LRRC4C: variants seen among roughly 807,000 people sequenced by gnomAD.
The protein encoded by LRRC4C is leucine-rich repeat-containing protein 4C.
A neutral mutation model predicts 33.6 loss-of-function variants in LRRC4C; 5 were observed. The ratio of observed to expected loss-of-function variants is 0.15; its 90% CI spans 0.08 to 0.31. The LOEUF (loss-of-function observed/expected upper bound fraction) is 0.31. LRRC4C is among the 10% of genes least tolerant of loss of function. LRRC4C has a pLI of 1.00. For synonymous variants in LRRC4C, 329 were observed against 302.0 expected, an observed-to-expected ratio of 1.09 and a Z score of -0.93; for missense variants, 560 against 796.7, an observed-to-expected ratio of 0.70 and a Z score of 3.58.
intron 3 of LRRC4C, among the ~76,000 whole-genome samples, chr11:40,341,372 C>A (rs967691480): frequency 5.9e-5 from 9 of 152,026 alleles, no homozygotes. Flanking sequence ...TGAATAGTGC[C>A]ACAATAAACA....
At chr11:40,136,762 T>A (rs1857009086) in intron 6 of LRRC4C, among the ~76,000 whole-genome samples, 1 of 152,218 alleles carries the variant, frequency 6.6e-6, no homozygotes, top group African/African-American at 2.4e-5. Context: ...GGAGGAATCC[T>A]GGGGAAAAGT....
intron 4 of LRRC4C, among the ~76,000 whole-genome samples, chr11:40,287,652 T>G (rs1366444588): frequency 6.6e-6 from 1 of 152,226 alleles, no homozygotes. Context: ...CAACTGATTC[T>G]TGACCTTCTT....
At position 40,449,042 on chromosome 11, in the gene LRRC4C, G is replaced by T. The variant is rs533847194; in HGVS notation, c.-269-129321C>A. Reference sequence around the variant, plus strand: ...TCATATGTTTGTTGGCTGCATAAATGTCTTCTTTTGAGAAGTGTCTGTTCA... The same window carrying T: ...TCATATGTTTGTTGGCTGCATAAATTTCTTCTTTTGAGAAGTGTCTGTTCA... On this transcript the variant is annotated intron_variant, in intron 3 of 6. Coordinates refer to ENST00000528697, the MANE Select transcript of LRRC4C (RefSeq NM_001258419.2). Among the ~76,000 whole-genome samples, 49 of 152,256 alleles carry T rather than the reference G, an allele frequency of 3.2e-4. 2 individuals are homozygous for T. In the East Asian group the frequency reaches 8.9e-3, roughly 28 times the overall value.
rs147175603 is a variant in LRRC4C at position 41,140,380 on chromosome 11, C to A, written c.-495-206657G>T. Among the ~76,000 whole-genome samples the A allele has an allele frequency of 4.9e-4, 59 of 119,830 alleles. No individual in the cohort carries two copies. The East Asian group carries it at 0.011, about 23-fold the overall frequency. 78.6% of individuals were successfully genotyped at this position (119,830 alleles called of 152,430 possible). A position where few individuals can be genotyped will look rare whatever the true frequency, so the allele number is the denominator to read the frequency against. On this transcript the variant is annotated intron_variant, in intron 1 of 6. Coordinates refer to ENST00000528697, the MANE Select transcript of LRRC4C (RefSeq NM_001258419.2). ...GTCAGGCACGGACCCTTGGGATTCC[C>A]ATGTTTTGCTTCACAAATGATTAGC...
intron 3 of LRRC4C, among the ~76,000 whole-genome samples, chr11:40,382,144 T>A: frequency 1.5e-5 from 2 of 135,232 alleles, no homozygotes; most frequent in South Asian, 2.4e-4. Flanking sequence ...TTTTTTTTTT[T>A]TTTTTTTTTT....
chr11:41,070,953 G>C lies in LRRC4C; in HGVS notation c.-495-137230C>G, dbSNP rs570908229. ...TTATATTATAAAGATACATGCACAC[G>C]TATGCTTATTACAGCACTATTTACA... is the stretch of plus-strand genomic sequence containing the variant. On this transcript the variant is annotated intron_variant, in intron 1 of 6. Coordinates refer to ENST00000528697, the MANE Select transcript of LRRC4C (RefSeq NM_001258419.2). 2.6e-5 allele frequency among the ~76,000 whole-genome samples: 4 copies of C among 152,132 alleles called. No homozygotes were observed. The East Asian group carries it at 7.7e-4, about 29-fold the overall frequency.
At chr11:40,832,922 T>G (rs1357383713) in intron 2 of LRRC4C, among the ~76,000 whole-genome samples, 1 of 152,134 alleles carries the variant, frequency 6.6e-6, no homozygotes, top group Non-Finnish European at 1.5e-5. Context: ...GTGTTTTGGT[T>G]GTAGATAGAA....
intron 1 of LRRC4C, among the ~76,000 whole-genome samples, chr11:41,259,798 AG>A (rs1204073024): frequency 6.6e-6 from 1 of 152,090 alleles, no homozygotes; most frequent in African/African-American, 2.4e-5. Flanking sequence ...TGCAAAGTGT[AG>A]TAAGATAATT....
At chr11:40,451,633 C>T (rs1051339793) in intron 3 of LRRC4C, among the ~76,000 whole-genome samples, 1 of 151,856 alleles carries the variant, frequency 6.6e-6, no homozygotes, top group African/African-American at 2.4e-5. Context: ...GGTCCACCCG[C>T]CTTGGCCTCC....
At chr11:40,584,792 C>T (rs1958637139) in intron 3 of LRRC4C, among the ~76,000 whole-genome samples, 1 of 151,852 alleles carries the variant, frequency 6.6e-6, no homozygotes, top group Non-Finnish European at 1.5e-5. Flanking sequence ...ATTAGCCAGG[C>T]ATGGTGGTGC....
intron 1 of LRRC4C, among the ~76,000 whole-genome samples, chr11:41,249,160 G>A (rs1019202996): frequency 1.3e-5 from 2 of 151,116 alleles, no homozygotes; most frequent in Admixed American, 6.6e-5. Context: ...TCAGCCTCCC[G>A]AGTACCTGGG....
At chr11:41,216,736 G>C (rs1169105181) in intron 1 of LRRC4C, among the ~76,000 whole-genome samples, 1 of 152,130 alleles carries the variant, frequency 6.6e-6, no homozygotes, top group Non-Finnish European at 1.5e-5. Context: ...CATCAATATA[G>C]TGTGAAAAAT....
chr11:40,998,168 G>T lies in LRRC4C; in HGVS notation c.-495-64445C>A, dbSNP rs1356830599. Among the ~76,000 whole-genome samples, 3 of 151,800 alleles carry T rather than the reference G, an allele frequency of 2.0e-5. No individual in the cohort carries two copies. In the South Asian group the frequency reaches 6.2e-4, roughly 31 times the overall value. On this transcript the variant is annotated intron_variant, in intron 1 of 6. Coordinates refer to ENST00000528697, the MANE Select transcript of LRRC4C (RefSeq NM_001258419.2). ...CTGTAAGAAACTAATTCTGAACCTA[G>T]TATTTGATACAAGGGAATTATAAAC...
chr11:41,346,988 T>C (rs1951823950), intron 1 of LRRC4C, among the ~76,000 whole-genome samples: 1 of 152,250 alleles, frequency 6.6e-6, no homozygotes, highest in Non-Finnish European at 1.5e-5. Context: ...GATGATTCTA[T>C]TCTTGCCTTG....
chr11:41,216,238 T>A (rs1044590374), intron 1 of LRRC4C, among the ~76,000 whole-genome samples: 2 of 152,102 alleles, frequency 1.3e-5, no homozygotes, highest in Non-Finnish European at 2.9e-5. Context: ...CAGAGAAAGA[T>A]CTGAAACATT....
intron 1 of LRRC4C, among the ~76,000 whole-genome samples, chr11:41,451,319 A>G (rs1388179725): frequency 6.6e-6 from 1 of 152,112 alleles, no homozygotes; most frequent in Non-Finnish European, 1.5e-5. Context: ...GTTATTTTAA[A>G]AACTAAACAC....
In LRRC4C at chr11:40,453,813, A is replaced by G. The variant is rs574732634; in HGVS notation, c.-269-134092T>C. ...TTTAGGGCTTATGGTGGGGTGAGAA[A>G]TCACTGTACATTGGTACCACAATTC... On this transcript the variant is annotated intron_variant, in intron 3 of 6. Coordinates refer to ENST00000528697, the MANE Select transcript of LRRC4C (RefSeq NM_001258419.2). 2.6e-5 allele frequency among the ~76,000 whole-genome samples: 4 copies of G among 152,298 alleles called. No individual in the cohort carries two copies. In the South Asian group the frequency reaches 8.3e-4, roughly 32 times the overall value.
At chr11:40,459,633 C>A (rs1397735691) in intron 3 of LRRC4C, among the ~76,000 whole-genome samples, 1 of 152,182 alleles carries the variant, frequency 6.6e-6, no homozygotes, top group Non-Finnish European at 1.5e-5. Context: ...CTGCCTCTCT[C>A]CATTCTTAGA....
At chr11:41,148,673 C>A (rs1442662475) in intron 1 of LRRC4C, among the ~76,000 whole-genome samples, 1 of 152,042 alleles carries the variant, frequency 6.6e-6, no homozygotes, top group African/African-American at 2.4e-5. Flanking sequence ...GCTCTCTGGC[C>A]TGGAACTGGT....
Sources: allele counts gnomAD v4.1 joint callset (sites outside exome capture counted in the v4.1 genomes callset), GRCh38; gene constraint gnomAD v4.1.1; transcripts MANE v1.5; gene names NCBI Gene and HGNC (gene_info 2026-07-23, HGNC 2026-07-21).